Variants in MTFR1 observed in about 807,000 individuals in gnomAD.
MTFR1 encodes chondrocyte protein with a poly-proline region.
In MTFR1, 28 loss-of-function variants were observed where a neutral mutation model predicts 38.8. That is an observed-to-expected ratio of 0.72 (90% CI 0.53 to 0.99). MTFR1 has a LOEUF of 0.99. MTFR1 is among the 50% of genes least tolerant of loss of function. The probability of loss-of-function intolerance (pLI) is 0.00; values close to 1 mark genes in which losing one functional copy is unlikely to be tolerated. For missense variants in MTFR1, 358 were observed against 395.5 expected (o/e 0.91, Z 0.81); for synonymous variants, 145 against 137.0 (o/e 1.06, Z -0.41).
At chr8:65,745,310 C>T (rs767001063) in intron 3 of MTFR1, 3 of 768,576 alleles carry the variant, frequency 3.9e-6, no homozygotes, top group Non-Finnish European at 7.1e-6. Flanking sequence ...GGGCTAACAA[C>T]CTTAGTACAG....
At chr8:65,708,360 A>C (rs1019430048) in intron 7 of MTFR1, 2 of 359,952 alleles carry the variant, frequency 5.6e-6, no homozygotes. Flanking sequence ...TTATTTAAGC[A>C]TAGTGAAGTG....
chr8:65,719,105 C>T (rs956950222), intron 2 of MTFR1: 96 of 594,660 alleles, frequency 1.6e-4, no homozygotes, highest in African/African-American at 1.5e-3. Context: ...GCTGTATGTT[C>T]GGGTCTTGCA....
At chr8:65,663,084 A>C (rs1219600917) in intron 1 of MTFR1, among the ~76,000 whole-genome samples, 1 of 152,196 alleles carries the variant, frequency 6.6e-6, no homozygotes, top group Non-Finnish European at 1.5e-5. Context: ...TTTGTGGAAT[A>C]GAAAGGGGGG....
chr8:65,736,087 TAA>T (rs1807116999), intron 3 of MTFR1, among the ~76,000 whole-genome samples: 1 of 152,172 alleles, frequency 6.6e-6, no homozygotes, highest in South Asian at 2.1e-4. Context: ...GCGCAATTTA[TAA>T]GTTAGTCACA....
intron 2 of MTFR1, among the ~76,000 whole-genome samples, chr8:65,678,465 A>G (rs1050480304): frequency 3.3e-5 from 5 of 152,214 alleles, no homozygotes; most frequent in Non-Finnish European, 5.9e-5. Flanking sequence ...GCTAAGTACT[A>G]TGTAATTCAC....
chr8:65,648,268 C>T (rs537025695), intron 1 of MTFR1, among the ~76,000 whole-genome samples: 2 of 152,236 alleles, frequency 1.3e-5, no homozygotes, highest in South Asian at 2.1e-4. Flanking sequence ...TCGCCCACCT[C>T]GGCCTCCCAA....
chr8:65,698,154 CT>C (rs201836617), intron 4 of MTFR1, among the ~76,000 whole-genome samples: 41 of 128,584 alleles, frequency 3.2e-4, no homozygotes, highest in Middle Eastern at 4.0e-3. Context: ...TTTTTTTTTT[CT>C]TTTTTTTTTT....
intron 3 of MTFR1, among the ~76,000 whole-genome samples, chr8:65,764,446 G>A (rs182169146): frequency 6.6e-6 from 1 of 152,250 alleles, no homozygotes; most frequent in African/African-American, 2.4e-5. Context: ...ATAATGGTTG[G>A]AAAAAAGTAT....
the MTFR1 span, among the ~76,000 whole-genome samples, chr8:65,778,296 T>G: frequency 6.6e-6 from 1 of 152,132 alleles, no homozygotes; most frequent in African/African-American, 2.4e-5. Context: ...ATGTAATTAG[T>G]CCAACTACCC....
At chr8:65,757,860 G>A (rs1234566569) in intron 3 of MTFR1, among the ~76,000 whole-genome samples, 2 of 152,106 alleles carry the variant, frequency 1.3e-5, no homozygotes, top group African/African-American at 4.8e-5. Context: ...CTCGTGATCC[G>A]ACCGCCTTGG....
In MTFR1 at chr8:65,662,682, G is replaced by T. The variant is rs542975941; in HGVS notation, c.-80-7191G>T. Among the ~76,000 whole-genome samples the T allele has an allele frequency of 9.1e-3, 1,296 of 142,740 alleles. 52 individuals carry two copies. Among genetic ancestry groups the T allele is most frequent in the African/African-American group, 0.032 (1,257 of 39,314 alleles). 93.6% of individuals were successfully genotyped at this position (142,740 alleles called of 152,430 possible). ...TCTGCCTGGCAACCGCCCCGTCTGAGAAGTGAGGAGCCCCTCCGCCCGGCA... is the reference window on the plus strand; with the variant it reads ...TCTGCCTGGCAACCGCCCCGTCTGATAAGTGAGGAGCCCCTCCGCCCGGCA... On this transcript the variant is annotated intron_variant, in intron 1 of 7. Transcript: ENST00000262146.
At chr8:65,656,464 AG>A (rs1809273114) in intron 1 of MTFR1, among the ~76,000 whole-genome samples, 1 of 151,016 alleles carries the variant, frequency 6.6e-6, no homozygotes, top group African/African-American at 2.4e-5. Flanking sequence ...CTCCTGAGTC[AG>A]TAGGACTACA....
intron 3 of MTFR1, among the ~76,000 whole-genome samples, chr8:65,730,874 G>A (rs900088097): frequency 6.6e-6 from 1 of 152,214 alleles, no homozygotes; most frequent in South Asian, 2.1e-4. Context: ...AGTGAGCTAA[G>A]ATTGTGCCAC....
downstream of MTFR1, among the ~76,000 whole-genome samples, chr8:65,711,595 T>C (rs985395315): frequency 6.6e-6 from 1 of 152,184 alleles, no homozygotes; most frequent in African/African-American, 2.4e-5. Context: ...AGCATTCTTC[T>C]CTGCTACCCT....
intron 3 of MTFR1, among the ~76,000 whole-genome samples, chr8:65,751,790 CCCTT>C (rs756174898): frequency 8.5e-5 from 13 of 152,158 alleles, no homozygotes; most frequent in Non-Finnish European, 1.8e-4. Context: ...CTGCGCCCAG[CCCTT>C]CCTGAGTTTT....
intron 5 of MTFR1, among the ~76,000 whole-genome samples, chr8:65,705,254 G>A (rs901383232): frequency 6.6e-6 from 1 of 152,194 alleles, no homozygotes; most frequent in Non-Finnish European, 1.5e-5. Context: ...AACCTGGGGG[G>A]TGGAGAACCA....
chr8:65,687,636 C>T (rs1805128287), intron 3 of MTFR1, among the ~76,000 whole-genome samples: 1 of 152,082 alleles, frequency 6.6e-6, no homozygotes, highest in South Asian at 2.1e-4. Context: ...TGAGCCACCG[C>T]ACCCAGCCAG....
intron 3 of MTFR1, among the ~76,000 whole-genome samples, chr8:65,721,359 G>A (rs573605660): frequency 3.9e-5 from 6 of 152,296 alleles, no homozygotes; most frequent in South Asian, 2.1e-4. Context: ...CTATGTTGGG[G>A]AGTAGTAATC....
At chr8:65,660,322 A>AC in intron 1 of MTFR1, among the ~76,000 whole-genome samples, 1 of 151,164 alleles carries the variant, frequency 6.6e-6, no homozygotes, top group Non-Finnish European at 1.5e-5. Context: ...CAAAAAAAAA[A>AC]CCCATCTGTG....
Sources: allele counts gnomAD v4.1 joint callset (sites outside exome capture counted in the v4.1 genomes callset), GRCh38; gene constraint gnomAD v4.1.1; transcripts MANE v1.5; gene names NCBI Gene and HGNC (gene_info 2026-07-23, HGNC 2026-07-21).